The following C3orf20 variants were observed in gnomAD, a reference collection of about 807,000 sequenced individuals.
C3orf20 encodes uncharacterized protein C3orf20.
Under a neutral mutation model 88.3 loss-of-function variants are expected in C3orf20, and 76 were observed. That is an observed-to-expected ratio of 0.86 (90% CI 0.72 to 1.04). C3orf20 has a LOEUF of 1.04. C3orf20 is among the 50% of genes least tolerant of loss of function. C3orf20 has a pLI of 0.00. For synonymous variants in C3orf20, 436 were observed against 437.4 expected, an observed-to-expected ratio of 1.00 and a Z score of 0.04; for missense variants, 1,056 against 1,123.3, an observed-to-expected ratio of 0.94 and a Z score of 0.86.
intron 6 of C3orf20, among the ~76,000 whole-genome samples, chr3:14,703,843 ACT>A (rs1030623332): frequency 6.6e-6 from 1 of 152,136 alleles, no homozygotes; most frequent in African/African-American, 2.4e-5. Flanking sequence ...CTAGCAATTT[ACT>A]CAACATTTCT....
rs2035566403 is a variant in C3orf20 at position 14,761,606 on chromosome 3, A to G, written c.2486A>G (p.Tyr829Cys). 6.2e-7 allele frequency: 1 copy of G among 1,613,906 alleles called. No homozygotes were observed. ...YKMGYFLPDD[Y>C]KFSVPNSVLS... ...ATGGGCTACTTCCTGCCGGATGACT[A>G]CAAATTCAGGTAAAACAGGAAACAC... Residue 829 changes from tyrosine (Y) to cysteine (C), a missense_variant, in exon 15 of 17, where the codon TAC (tyrosine) becomes TGC (cysteine). Coordinates refer to ENST00000253697, the MANE Select transcript of C3orf20 (RefSeq NM_032137.5).
At chr3:14,687,857 CA>C (rs533247692) in intron 4 of C3orf20, among the ~76,000 whole-genome samples, 65 of 152,264 alleles carry the variant, frequency 4.3e-4, no homozygotes, top group African/African-American at 1.4e-3. Context: ...GAGCTGGGGG[CA>C]GGGGGCCTTT....
intron 4 of C3orf20, among the ~76,000 whole-genome samples, chr3:14,684,908 G>C (rs976416825): frequency 6.6e-6 from 1 of 152,222 alleles, no homozygotes; most frequent in Non-Finnish European, 1.5e-5. Flanking sequence ...TTGCAGGCAG[G>C]CATGGTGGCT....
At chr3:14,725,896 C>T (rs1469863799) in intron 10 of C3orf20, among the ~76,000 whole-genome samples, 1 of 151,866 alleles carries the variant, frequency 6.6e-6, no homozygotes, top group Non-Finnish European at 1.5e-5. Flanking sequence ...TGACCAGGAC[C>T]CAGGGCAGAA....
intron 12 of C3orf20, among the ~76,000 whole-genome samples, chr3:14,732,597 T>G (rs1056660998): frequency 6.6e-6 from 1 of 152,216 alleles, no homozygotes; most frequent in Non-Finnish European, 1.5e-5. Flanking sequence ...AAGGGATATT[T>G]GACAATATTT....
chr3:14,688,597 T>C (rs778492626), intron 4 of C3orf20, among the ~76,000 whole-genome samples: 19 of 151,574 alleles, frequency 1.3e-4, no homozygotes, highest in Non-Finnish European at 2.1e-4. Context: ...ATATCCCCTG[T>C]GCTAAGTAGT....
In C3orf20 at chr3:14,701,428, T is replaced by C. The variant is rs147747930; in HGVS notation, c.746-1702T>C. On this transcript the variant is annotated intron_variant, in intron 5 of 16. Transcript: ENST00000253697. The surrounding 1 kb of genome is among the most constrained non-coding windows in gnomAD (Gnocchi z 4.6). The stretch of plus-strand genomic sequence containing the variant: ...CAGCTGGGTGGGAGTCAGAGGTTCA[T>C]TGTAGGTAGGACCTGACACAAATGA... Among the ~76,000 whole-genome samples the C allele has an allele frequency of 1.3e-5, 2 of 151,984 alleles. No individual in the cohort carries two copies. The highest frequency in any genetic ancestry group is 2.9e-5 in the Non-Finnish European group (2 of 67,990).
intron 7 of C3orf20, among the ~76,000 whole-genome samples, chr3:14,706,288 C>CA (rs2033501061): frequency 6.6e-6 from 1 of 152,092 alleles, no homozygotes. Context: ...CAGTATTTAA[C>CA]ACAGCTGACT....
At position 14,682,684 on chromosome 3, in the gene C3orf20, G is replaced by C; in HGVS notation, c.-30G>C. 6.4e-7 allele frequency: 1 copy of C among 1,572,730 alleles called. No individual in the cohort carries two copies. ...CTTTTGCTCTCAGTCACCTCTCAGA[G>C]AGCTCTCTTTATAGCTGAAGGTCCC... On this transcript the variant is annotated 5_prime_UTR_variant, in exon 3 of 17. Coordinates refer to ENST00000253697, the MANE Select transcript of C3orf20 (RefSeq NM_032137.5).
chr3:14,720,040 G>GT (rs1318418488), intron 9 of C3orf20, among the ~76,000 whole-genome samples: 6 of 151,638 alleles, frequency 4.0e-5, no homozygotes, highest in African/African-American at 1.2e-4. Context: ...TTTGTTTTTT[G>GT]TTTTTTTGAG....
intron 12 of C3orf20, among the ~76,000 whole-genome samples, chr3:14,750,350 G>C (rs1333725385): frequency 6.6e-6 from 1 of 152,102 alleles, no homozygotes; most frequent in Non-Finnish European, 1.5e-5. Context: ...AGGAGTTTGA[G>C]GCCAGCCTGG....
At chr3:14,720,203 T>C (rs2034101748) in intron 9 of C3orf20, among the ~76,000 whole-genome samples, 1 of 152,146 alleles carries the variant, frequency 6.6e-6, no homozygotes, top group Admixed American at 6.5e-5. Context: ...CTAATTTTTT[T>C]GTATATTTAG....
intron 4 of C3orf20, among the ~76,000 whole-genome samples, chr3:14,688,876 T>A (rs1046601578): frequency 2.6e-5 from 4 of 152,168 alleles, no homozygotes; most frequent in African/African-American, 9.7e-5. Flanking sequence ...TTTTCCAACA[T>A]GGCTATATAC....
chr3:14,746,827 C>T (rs1046298353), intron 12 of C3orf20, among the ~76,000 whole-genome samples: 6 of 152,218 alleles, frequency 3.9e-5, no homozygotes, highest in African/African-American at 1.2e-4. Flanking sequence ...TAACATTATC[C>T]TGTTGGAAGA....
chr3:14,709,634 C>T (rs1272245531), intron 7 of C3orf20, among the ~76,000 whole-genome samples: 1 of 151,930 alleles, frequency 6.6e-6, no homozygotes, highest in African/African-American at 2.4e-5. Context: ...GATCATGATT[C>T]CCCCCAACCC....
At chr3:14,762,069 G>GT (rs568472468) in intron 15 of C3orf20, among the ~76,000 whole-genome samples, 1 of 152,120 alleles carries the variant, frequency 6.6e-6, no homozygotes, top group Admixed American at 6.5e-5. Flanking sequence ...CTTCTGCTTT[G>GT]TTTTTTTGTT....
chr3:14,721,821 CT>C (rs2034173975), intron 10 of C3orf20, 37 bp downstream of exon 10: 1 of 1,610,292 alleles, frequency 6.2e-7, no homozygotes, highest in Admixed American at 1.7e-5. Flanking sequence ...GCCCTGACCC[CT>C]GGGCATCTCA....
intron 12 of C3orf20, among the ~76,000 whole-genome samples, chr3:14,732,193 CAT>C (rs921675548): frequency 2.6e-5 from 4 of 152,224 alleles, no homozygotes; most frequent in African/African-American, 9.6e-5. Context: ...ATCTGATAGA[CAT>C]GTGGTAATAT....
intron 5 of C3orf20, among the ~76,000 whole-genome samples, chr3:14,692,298 C>T (rs2032773635): frequency 6.6e-6 from 1 of 152,060 alleles, no homozygotes; most frequent in Non-Finnish European, 1.5e-5. Flanking sequence ...GTAGCTCTAT[C>T]TTTATTTTTT....
Sources: allele counts gnomAD v4.1 joint callset (sites outside exome capture counted in the v4.1 genomes callset), GRCh38; gene constraint gnomAD v4.1.1; non-coding constraint Gnocchi (gnomAD v3.1); transcripts MANE v1.5; gene names NCBI Gene and HGNC (gene_info 2026-07-23, HGNC 2026-07-21).